Variants in GRIP1 observed in about 807,000 individuals in gnomAD.
The protein encoded by GRIP1 is glutamate receptor interacting protein 1, also known as glutamate receptor-interacting protein 1.
In GRIP1, 45 loss-of-function variants were observed where a neutral mutation model predicts 129.9. The ratio of observed to expected loss-of-function variants is 0.35; its 90% CI spans 0.27 to 0.44. GRIP1 has a LOEUF of 0.44. GRIP1 is among the 20% of genes least tolerant of loss of function. The pLI, the probability that GRIP1 is intolerant of heterozygous loss-of-function variation, is 1.00. For missense variants in GRIP1, 1,196 were observed against 1,396.8 expected (o/e 0.86, Z 2.29); for synonymous variants, 530 against 520.8 (o/e 1.02, Z -0.24).
intron 1 of GRIP1, among the ~76,000 whole-genome samples, chr12:66,781,834 A>C (rs536152350): frequency 1.3e-5 from 2 of 152,292 alleles, no homozygotes; most frequent in Non-Finnish European, 1.5e-5. Flanking sequence ...AGGGTGTATA[A>C]ATTGGTATAG....
chr12:67,012,310 T>TA (rs1220919631), intron 1 of GRIP1, among the ~76,000 whole-genome samples: 1 of 152,196 alleles, frequency 6.6e-6, no homozygotes, highest in Non-Finnish European at 1.5e-5. Context: ...AAATGTGTGT[T>TA]ATTATCATTA....
intron 1 of GRIP1, among the ~76,000 whole-genome samples, chr12:66,914,871 C>G (rs1051794805): frequency 2.0e-5 from 3 of 152,134 alleles, no homozygotes; most frequent in Admixed American, 2.0e-4. Flanking sequence ...TTCCTATAGT[C>G]CCAGCTACCT....
rs1264108446 is a variant in GRIP1 at position 66,583,561 on chromosome 12, G to T, written c.136+13286C>A. On this transcript the variant is annotated intron_variant, in intron 2 of 24. Coordinates refer to ENST00000359742, the MANE Select transcript of GRIP1 (RefSeq NM_001366722.1). ...ACAATGAACTCAAACCAATTTACAA[G>T]AAAAAAACAAACAACCCCATCAAAA... Among the ~76,000 whole-genome samples, 4 of 134,090 alleles carry T rather than the reference G, an allele frequency of 3.0e-5. 1 individual carries two copies. The allele number at this position is 134,090 out of a possible 152,430, so 88.0% of individuals were successfully genotyped here. A position where few individuals can be genotyped will look rare whatever the true frequency, so the allele number is the denominator to read the frequency against.
chr12:66,725,136 T>G (rs1417075438), intron 1 of GRIP1, among the ~76,000 whole-genome samples: 3 of 151,560 alleles, frequency 2.0e-5, no homozygotes, highest in Non-Finnish European at 2.9e-5. Flanking sequence ...TACAACAAAT[T>G]AAAAACAAAA....
chr12:66,943,390 T>C (rs2041618125), intron 1 of GRIP1, among the ~76,000 whole-genome samples: 3 of 152,212 alleles, frequency 2.0e-5, no homozygotes, highest in Admixed American at 2.0e-4. Flanking sequence ...TGAGAGGATA[T>C]TTGAGTGATG....
At chr12:66,947,776 C>T (rs1198735345) in intron 1 of GRIP1, among the ~76,000 whole-genome samples, 2 of 152,202 alleles carry the variant, frequency 1.3e-5, no homozygotes, top group African/African-American at 4.8e-5. Flanking sequence ...GCTATTTCTG[C>T]AGGATTCCTT....
chr12:66,730,129 T>C (rs1307559072), intron 1 of GRIP1, among the ~76,000 whole-genome samples: 2 of 152,212 alleles, frequency 1.3e-5, no homozygotes, highest in East Asian at 3.8e-4. Flanking sequence ...AGCTGTAAAA[T>C]GACTGAACTA....
chr12:67,019,795 A>AAT (rs949799051), intron 1 of GRIP1, among the ~76,000 whole-genome samples: 4 of 150,940 alleles, frequency 2.7e-5, no homozygotes, highest in African/African-American at 7.4e-5. Context: ...GTAGATTTAT[A>AAT]ATATATACAC....
intron 1 of GRIP1, among the ~76,000 whole-genome samples, chr12:66,705,260 G>A (rs1333026443): frequency 6.6e-6 from 1 of 151,950 alleles, no homozygotes; most frequent in East Asian, 1.9e-4. Context: ...ACTCTAAACT[G>A]TGAAATAGTT....
intron 1 of GRIP1, among the ~76,000 whole-genome samples, chr12:66,881,999 T>C (rs1230822287): frequency 1.3e-5 from 2 of 152,148 alleles, no homozygotes; most frequent in East Asian, 3.9e-4. Context: ...TCCTATGATT[T>C]CACTTTTTCC....
intron 3 of GRIP1, among the ~76,000 whole-genome samples, chr12:66,540,115 C>A (rs1177852632): frequency 6.6e-6 from 1 of 152,244 alleles, no homozygotes; most frequent in Non-Finnish European, 1.5e-5. Context: ...CTTATGTCAA[C>A]TTAACCGCCT....
At chr12:66,539,533 A>T (rs1330395521) in intron 3 of GRIP1, among the ~76,000 whole-genome samples, 1 of 148,704 alleles carries the variant, frequency 6.7e-6, no homozygotes, top group African/African-American at 2.5e-5. Context: ...CATAAAACAA[A>T]ATCAAGAGAA....
intron 4 of GRIP1, among the ~76,000 whole-genome samples, chr12:66,538,604 T>C (rs1211371287): frequency 6.6e-6 from 1 of 152,070 alleles, no homozygotes; most frequent in African/African-American, 2.4e-5. Context: ...ATTAATGTTG[T>C]GTGTGTTTGT....
chr12:66,374,397 A>G (rs1252387351), intron 22 of GRIP1, among the ~76,000 whole-genome samples: 1 of 152,072 alleles, frequency 6.6e-6, no homozygotes, highest in Non-Finnish European at 1.5e-5. Flanking sequence ...CACATTGGCC[A>G]GGCTGGTCTC....
upstream of GRIP1, among the ~76,000 whole-genome samples, chr12:66,808,997 T>G (rs1233112585): frequency 6.6e-6 from 1 of 152,250 alleles, no homozygotes; most frequent in East Asian, 1.9e-4. Flanking sequence ...AGCTAAATGT[T>G]CACTAAACTA....
intron 1 of GRIP1, among the ~76,000 whole-genome samples, chr12:66,889,918 CTGT>C (rs1298827193): frequency 6.6e-6 from 1 of 151,382 alleles, no homozygotes; most frequent in East Asian, 1.9e-4. Context: ...GGCTCAGCTA[CTGT>C]TTTTTTTTGT....
At chr12:66,849,981 T>G (rs1460256421) in intron 1 of GRIP1, among the ~76,000 whole-genome samples, 1 of 152,160 alleles carries the variant, frequency 6.6e-6, no homozygotes, top group Non-Finnish European at 1.5e-5. Context: ...CAGTTTCCTC[T>G]TTCCTCATCT....
rs767163842 is a variant in GRIP1, at chr12:66,456,326, G to A, written c.1059C>T (p.Ser353=). 47 of 1,288,858 alleles carry A rather than the reference G, an allele frequency of 3.6e-5. No homozygotes were observed. Among genetic ancestry groups the A allele is most frequent in the Admixed American group, 6.9e-5 (3 of 43,534 alleles). The allele number at this position is 1,288,858 out of a possible 1,614,324, so 79.8% of individuals were successfully genotyped here. A position where few individuals can be genotyped will look rare whatever the true frequency, so the allele number is the denominator to read the frequency against. The change falls in exon 10 of 25, where the codon AGC becomes AGT. Residue 353 remains serine, a synonymous_variant. Coordinates refer to ENST00000359742, the MANE Select transcript of GRIP1 (RefSeq NM_001366722.1). The stretch of plus-strand genomic sequence containing the variant: ...AGGAATCCCAGGTAAGTTGCCTGTC[G>A]CTCCTCTGAATTTTCACTGCCCATA... ...KGPDHVKIQR[S]DRQLTWDSWA... is the part of the protein sequence containing the mutation.
intron 4 of GRIP1, among the ~76,000 whole-genome samples, chr12:66,531,892 G>A (rs976303986): frequency 2.0e-5 from 3 of 152,058 alleles, no homozygotes; most frequent in African/African-American, 7.2e-5. Flanking sequence ...TGCAAAAATG[G>A]TTTACACATA....
Sources: gnomAD v4.1 joint callset for allele counts (sites outside exome capture counted in the v4.1 genomes callset) on GRCh38, gnomAD v4.1.1 for gene constraint, MANE v1.5 for transcripts, NCBI Gene and HGNC (gene_info 2026-07-23, HGNC 2026-07-21) for gene names.